TAFA2: variants seen among roughly 807,000 people sequenced by gnomAD.
TAFA2 encodes chemokine-like protein TAFA-2.
Under a neutral mutation model 18.8 loss-of-function variants are expected in TAFA2, and 7 were observed. The ratio of observed to expected loss-of-function variants is 0.37; its 90% CI spans 0.21 to 0.70. TAFA2 has a LOEUF of 0.70. Ranked by LOEUF, TAFA2 falls within the 30% of genes least tolerant of loss-of-function variation. TAFA2 has a pLI of 0.53. For missense variants in TAFA2, 122 were observed against 158.1 expected, an observed-to-expected ratio of 0.77 and a Z score of 1.23; for synonymous variants, 60 against 54.2, an observed-to-expected ratio of 1.11 and a Z score of -0.47.
At chr12:62,193,137 G>A (rs1451337348), upstream of TAFA2, among the ~76,000 whole-genome samples, 3 of 151,412 alleles carry the variant, frequency 2.0e-5, no homozygotes, top group Admixed American at 6.6e-5. Flanking sequence ...TCAAATGAAG[G>A]GTCTTCTGAG....
intron 1 of TAFA2, among the ~76,000 whole-genome samples, chr12:62,133,992 T>C (rs1180419914): frequency 6.6e-6 from 1 of 151,992 alleles, no homozygotes. Context: ...ATTATTACAC[T>C]CCAGCAACAC....
chr12:61,976,534 AT>A (rs1474063500), intron 1 of TAFA2, among the ~76,000 whole-genome samples: 1 of 151,584 alleles, frequency 6.6e-6, no homozygotes, highest in Non-Finnish European at 1.5e-5. Flanking sequence ...ATAATCCAAA[AT>A]TTTTTTTCAT....
At chr12:61,999,589 T>C (rs1197845629) in intron 1 of TAFA2, among the ~76,000 whole-genome samples, 4 of 152,062 alleles carry the variant, frequency 2.6e-5, no homozygotes, top group Non-Finnish European at 5.9e-5. Context: ...ATCAACAGAG[T>C]TCTGTAGAGA....
chr12:61,994,549 T>G (rs1042353740), intron 1 of TAFA2, among the ~76,000 whole-genome samples: 6 of 152,154 alleles, frequency 3.9e-5, no homozygotes, highest in African/African-American at 1.4e-4. Context: ...TCTCAAGAGT[T>G]TCTAAATAAA....
intron 1 of TAFA2, among the ~76,000 whole-genome samples, chr12:62,202,758 T>A (rs1256906398): frequency 6.6e-6 from 1 of 151,926 alleles, no homozygotes; most frequent in African/African-American, 2.4e-5. Flanking sequence ...CTGCCTTAAT[T>A]TCATTATTTA....
At chr12:61,856,821 G>GGAAA (rs1180402414) in intron 2 of TAFA2, among the ~76,000 whole-genome samples, 6 of 151,544 alleles carry the variant, frequency 4.0e-5, no homozygotes, top group African/African-American at 1.5e-4. Flanking sequence ...TTATATATGT[G>GGAAA]AATGTTTATT....
chr12:61,919,516 G>A (rs1284554664), intron 1 of TAFA2, among the ~76,000 whole-genome samples: 1 of 152,094 alleles, frequency 6.6e-6, no homozygotes, highest in Non-Finnish European at 1.5e-5. Flanking sequence ...CAAGTTCATG[G>A]CTCCTAAGTT....
chr12:62,002,324 C>G (rs1225322251), intron 1 of TAFA2, among the ~76,000 whole-genome samples: 1 of 152,082 alleles, frequency 6.6e-6, no homozygotes, highest in East Asian at 1.9e-4. Flanking sequence ...TTACAAATAG[C>G]CCCCATGTAA....
At chr12:62,247,207 T>C in intron 1 of TAFA2, among the ~76,000 whole-genome samples, 1 of 152,200 alleles carries the variant, frequency 6.6e-6, no homozygotes, top group South Asian at 2.1e-4. Flanking sequence ...TTTAACATGC[T>C]TGTCTTAAGA....
chr12:62,165,939 T>TCACACA lies in TAFA2; in HGVS notation c.-2+25314_-2+25319dup, dbSNP rs34593506. On this transcript the variant is annotated intron_variant, in intron 1 of 4. Transcript: ENST00000416284. Reference sequence around the variant, plus strand: ...CTCTTCCTCTCTCTCTCTCTCTCTCTCACACACACACACACACACACACAC... The same window carrying TCACACA: ...CTCTTCCTCTCTCTCTCTCTCTCTCTCACACACACACACACACACACACACACACAC... Among the ~76,000 whole-genome samples the TCACACA allele has an allele frequency of 3.6e-3, 500 of 139,428 alleles. 4 individuals are homozygous for TCACACA. Among genetic ancestry groups the TCACACA allele is most frequent in the East Asian group, 0.014 (65 of 4,732 alleles). 91.5% of individuals were successfully genotyped at this position (139,428 alleles called of 152,430 possible).
chr12:61,988,348 A>C (rs1347796229), intron 1 of TAFA2, among the ~76,000 whole-genome samples: 1 of 152,178 alleles, frequency 6.6e-6, no homozygotes, highest in Non-Finnish European at 1.5e-5. Context: ...GAGAATTCCA[A>C]ATTTTATAAT....
intron 2 of TAFA2, among the ~76,000 whole-genome samples, chr12:61,818,003 A>T (rs969622071): frequency 2.6e-5 from 4 of 151,574 alleles, no homozygotes; most frequent in African/African-American, 9.7e-5. Context: ...GCCAAAGCAG[A>T]CTCTCCCCAG....
chr12:61,927,035 A>G (rs947664184), intron 1 of TAFA2, among the ~76,000 whole-genome samples: 2 of 141,262 alleles, frequency 1.4e-5, no homozygotes, highest in Non-Finnish European at 3.0e-5. Flanking sequence ...AGATCGCACC[A>G]CTATACTCCA....
chr12:61,920,285 A>G (rs1876995917), intron 1 of TAFA2, among the ~76,000 whole-genome samples: 1 of 152,184 alleles, frequency 6.6e-6, no homozygotes, highest in Non-Finnish European at 1.5e-5. Flanking sequence ...AATGAGAATT[A>G]ATAGATGCAG....
At chr12:62,023,778 T>C (rs1044181803) in intron 1 of TAFA2, 2 of 151,988 alleles carry the variant, frequency 1.3e-5, no homozygotes, top group Non-Finnish European at 2.9e-5. Context: ...GAACTTGACA[T>C]GCTGTCGAAT....
At chr12:62,161,039 T>C (rs941209123) in intron 1 of TAFA2, among the ~76,000 whole-genome samples, 4 of 152,208 alleles carry the variant, frequency 2.6e-5, no homozygotes, top group Non-Finnish European at 4.4e-5. Flanking sequence ...CAATTAAAGA[T>C]ACGGTACAAA....
At chr12:61,955,632 A>AATATATTTATATAT (rs1878655769) in intron 1 of TAFA2, among the ~76,000 whole-genome samples, 4 of 41,210 alleles carry the variant, frequency 9.7e-5, no homozygotes, top group Non-Finnish European at 1.6e-4. Flanking sequence ...AAAAAAAAAA[A>AATATATTTATATAT]ATATATATAT....
At chr12:62,229,473 T>C (rs1007703574) in intron 1 of TAFA2, among the ~76,000 whole-genome samples, 2 of 152,136 alleles carry the variant, frequency 1.3e-5, no homozygotes, top group East Asian at 3.8e-4. Flanking sequence ...AATGAAATGA[T>C]CATATGGTTT....
intron 1 of TAFA2, among the ~76,000 whole-genome samples, chr12:62,027,569 A>ATT (rs112086204): frequency 1.3e-5 from 2 of 151,982 alleles, no homozygotes; most frequent in Admixed American, 6.6e-5. Flanking sequence ...AAGTCTAATG[A>ATT]TTTTTTTCTT....
Sources: gnomAD v4.1 joint callset for allele counts (sites outside exome capture counted in the v4.1 genomes callset) on GRCh38, gnomAD v4.1.1 for gene constraint, MANE v1.5 for transcripts, NCBI Gene and HGNC (gene_info 2026-07-23, HGNC 2026-07-21) for gene names.